JAG1: variants seen among roughly 807,000 people sequenced by gnomAD.
JAG1 encodes the protein protein jagged-1.
Under a neutral mutation model 148.7 loss-of-function variants are expected in JAG1, and 23 were observed. The ratio of observed to expected loss-of-function variants is 0.15; its 90% CI spans 0.11 to 0.22. The LOEUF (loss-of-function observed/expected upper bound fraction) is 0.22. Among genes scored for constraint, JAG1 ranks in the 10% least tolerant of loss-of-function variants. The pLI is 1.00. For missense variants in JAG1, 1,054 were observed against 1,611.2 expected (o/e 0.65, Z 5.92); for synonymous variants, 572 against 598.3 (o/e 0.96, Z 0.64).
rs2067270924 is a variant in JAG1, at chr20:10,641,452, T to C, written c.2916+8A>G. ...CCATTCAAAAAAAAAACAAAGGTTG[T>C]TACATACTGGTGACATCATCTCCTT... On this transcript the variant is annotated splice_region_variant and intron_variant, in intron 23 of 25. Coordinates refer to ENST00000254958, the MANE Select transcript of JAG1 (RefSeq NM_000214.3). 2.5e-6 allele frequency: 4 copies of C among 1,610,648 alleles called. No individual in the cohort carries two copies. The highest frequency in any genetic ancestry group is 3.4e-6 in the Non-Finnish European group (4 of 1,177,162).
intron 4 of JAG1, 149 bp downstream of exon 4, chr20:10,658,319 A>C (rs1192448709): frequency 2.0e-6 from 2 of 997,502 alleles, no homozygotes; most frequent in Non-Finnish European, 3.1e-6. Context: ...AGCATCTTCT[A>C]CACTCCGCAT....
At chr20:10,665,477 CTATTT>C (rs1393010291) in intron 2 of JAG1, among the ~76,000 whole-genome samples, 4 of 152,204 alleles carry the variant, frequency 2.6e-5, no homozygotes, top group African/African-American at 4.8e-5. Context: ...GCTGTTGTTA[CTATTT>C]TATTAGCGAA....
rs919031508 is a variant in JAG1 at position 10,673,137 on chromosome 20, A to T, written c.82-131T>A. The T allele has an allele frequency of 1.1e-4, 90 of 804,344 alleles. No homozygotes were observed. The African/African-American group carries it at 1.3e-3, about 12-fold the overall frequency. The allele number at this position is 804,344 out of a possible 1,614,324, so 49.8% of individuals were successfully genotyped here. ...CGAGTGAAAATAATTTTGCGAAACT[A>T]CGTTCAAGGACTCAACATGATTCCG... On this transcript the variant is annotated intron_variant, in intron 1 of 25. Transcript: ENST00000254958. The surrounding 1 kb of genome is among the most constrained non-coding windows in gnomAD (Gnocchi z 4.7).
At chr20:10,661,088 G>A (rs2067413837) in intron 3 of JAG1, among the ~76,000 whole-genome samples, 1 of 152,158 alleles carries the variant, frequency 6.6e-6, no homozygotes, top group African/African-American at 2.4e-5. Context: ...CTCTAGGGGA[G>A]AAAGAAATTT....
At chr20:10,655,579 A>G (rs2067373349) in intron 5 of JAG1, among the ~76,000 whole-genome samples, 1 of 152,206 alleles carries the variant, frequency 6.6e-6, no homozygotes, top group South Asian at 2.1e-4. Flanking sequence ...GTTTCATAAG[A>G]TTCCCTTTAC....
Position 10,645,061 on chromosome 20 carries a change from TATC to T in JAG1, c.2227+79_2227+81del, listed in dbSNP as rs1286271517. 3.3e-6 allele frequency: 5 copies of T among 1,512,422 alleles called. No homozygotes were observed. The highest frequency in any genetic ancestry group is 2.7e-5 in the African/African-American group (2 of 72,758). The allele number at this position is 1,512,422 out of a possible 1,614,324, so 93.7% of individuals were successfully genotyped here. ...GGGGCAAGAACCAGGCCCAGAGAAA[TATC>T]ATAAGCTCCAGGGGCCAACCAGCAG... On this transcript the variant is annotated intron_variant, in intron 17 of 25. Transcript: ENST00000254958. The surrounding 1 kb of genome is among the most constrained non-coding windows in gnomAD (Gnocchi z 6.1).
chr20:10,655,419 A>G (rs1382759331), intron 5 of JAG1, among the ~76,000 whole-genome samples: 1 of 152,152 alleles, frequency 6.6e-6, no homozygotes, highest in Non-Finnish European at 1.5e-5. Flanking sequence ...GTCTGGGGGC[A>G]GTGATTGCTG....
chr20:10,660,847 C>T (rs972801160), intron 3 of JAG1, among the ~76,000 whole-genome samples: 4 of 152,136 alleles, frequency 2.6e-5, no homozygotes, highest in African/African-American at 7.2e-5. Flanking sequence ...ACCATGCCTC[C>T]CTGCAATCCC....
At chr20:10,640,365 C>T (rs1323526169) in intron 25 of JAG1, among the ~76,000 whole-genome samples, 6 of 151,194 alleles carry the variant, frequency 4.0e-5, no homozygotes, top group South Asian at 2.1e-4. Flanking sequence ...TTGGCTGAAA[C>T]GGTGCTCGAG....
At chr20:10,671,642 C>T (rs539696957) in intron 2 of JAG1, among the ~76,000 whole-genome samples, 21 of 152,292 alleles carry the variant, frequency 1.4e-4, no homozygotes, top group African/African-American at 4.6e-4. Context: ...ACCCTCCCAG[C>T]ACAGGCTAGG....
In JAG1 at chr20:10,641,441, A is replaced by G. The variant is rs1010475798; in HGVS notation, c.2916+19T>C. 11 of 1,608,242 alleles carry G rather than the reference A, an allele frequency of 6.8e-6. No homozygotes were observed. In the African/African-American group the frequency reaches 1.2e-4, roughly 18 times the overall value. ...GCAGACATCCACCATTCAAAAAAAA[A>G]ACAAAGGTTGTTACATACTGGTGAC... On this transcript the variant is annotated intron_variant, in intron 23 of 25. Coordinates refer to ENST00000254958, the MANE Select transcript of JAG1 (RefSeq NM_000214.3).
Position 10,645,221 on chromosome 20 carries a change from C to T in JAG1, c.2149G>A (p.Gly717Ser). 6.2e-6 allele frequency: 10 copies of T among 1,614,052 alleles called. No homozygotes were observed. The highest frequency in any genetic ancestry group is 8.5e-6 in the Non-Finnish European group (10 of 1,179,996). ...SQCDEATCNN[G>S]GTCYDEGDAF... Reference sequence around the variant, plus strand: ...TCCCCCTCATCATAGCAGGTGCCACCGTTGTTGCACGTGGCCTCATCACAC... The same window carrying T: ...TCCCCCTCATCATAGCAGGTGCCACTGTTGTTGCACGTGGCCTCATCACAC... Residue 717 changes from glycine to serine, a missense_variant, in exon 17 of 26, where the codon GGT (glycine) becomes AGT (serine). Gly to Ser is a moderately conservative substitution (Grantham distance 56). Transcript: ENST00000254958. The surrounding 1 kb of genome is among the most constrained non-coding windows in gnomAD (Gnocchi z 6.1).
intron 2 of JAG1, among the ~76,000 whole-genome samples, chr20:10,668,228 C>T (rs1328675967): frequency 6.6e-6 from 1 of 152,090 alleles, no homozygotes; most frequent in Non-Finnish European, 1.5e-5. Context: ...TTTCTGAACC[C>T]AGGACCCTCC....
At chr20:10,660,218 G>A (rs189350423) in intron 3 of JAG1, among the ~76,000 whole-genome samples, 2 of 152,300 alleles carry the variant, frequency 1.3e-5, no homozygotes, top group East Asian at 1.9e-4. Context: ...GGGCCCCAGC[G>A]TTCGCCCTCT....
At chr20:10,646,894 G>T (rs781730526) in intron 14 of JAG1, 45 bp downstream of exon 14, 31 of 1,590,850 alleles carry the variant, frequency 1.9e-5, no homozygotes, top group Non-Finnish European at 2.6e-5. Flanking sequence ...AGGGGCAGGG[G>T]CAGGCTGGGG....
rs560882447 is a variant in JAG1, at chr20:10,668,669, C to A, written c.387+4032G>T. Among the ~76,000 whole-genome samples, 4 of 145,612 alleles carry A rather than the reference C, an allele frequency of 2.7e-5. No individual in the cohort carries two copies. The East Asian group carries it at 7.9e-4, about 29-fold the overall frequency. ...GTGAAGGCTCCTTGTTACCTTGACA[C>A]TGTTTTTTTTTTTTTAAGTAACTTT... On this transcript the variant is annotated intron_variant, in intron 2 of 25. Coordinates refer to ENST00000254958, the MANE Select transcript of JAG1 (RefSeq NM_000214.3).
chr20:10,661,011 C>T lies in JAG1; in HGVS notation c.440-2289G>A, dbSNP rs1003640963. Among the ~76,000 whole-genome samples the T allele has an allele frequency of 3.3e-5, 5 of 152,208 alleles. No individual in the cohort carries two copies. In the South Asian group the frequency reaches 6.2e-4, roughly 19 times the overall value. ...GAGAAAGCTAAGCTACAGGGAAAAC[C>T]TGGTCTGAAGTGTGCCTATTTATGT... On this transcript the variant is annotated intron_variant, in intron 3 of 25. Coordinates refer to ENST00000254958, the MANE Select transcript of JAG1 (RefSeq NM_000214.3).
Position 10,647,837 on chromosome 20 carries a change from T to C in JAG1, c.1720+123A>G, listed in dbSNP as rs534977231. The stretch of plus-strand genomic sequence containing the variant: ...GCGGCCCGCTACACAGGCAGGATCA[T>C]TTCACTATAGAGGTCCTCCTCACCA... On this transcript the variant is annotated intron_variant, in intron 13 of 25. Coordinates refer to ENST00000254958, the MANE Select transcript of JAG1 (RefSeq NM_000214.3). 8 of 1,080,322 alleles carry C rather than the reference T, an allele frequency of 7.4e-6. No homozygotes were observed. The East Asian group carries it at 1.3e-4, about 17-fold the overall frequency. 66.9% of individuals were successfully genotyped at this position (1,080,322 alleles called of 1,614,324 possible).
rs1246300110 is a variant in JAG1, at chr20:10,643,877, G to C, written c.2373-14C>G. 6.2e-7 allele frequency: 1 copy of C among 1,607,358 alleles called. No individual in the cohort carries two copies. On this transcript the variant is annotated splice_polypyrimidine_tract_variant and intron_variant, in intron 19 of 25. Transcript: ENST00000254958. ...CCGCTGTTGTAACTAAGAAAGCAAA[G>C]ACCACCTTGGTTACCAACCTCCCAG...
Sources: allele counts gnomAD v4.1 joint callset (sites outside exome capture counted in the v4.1 genomes callset), GRCh38; gene constraint gnomAD v4.1.1; non-coding constraint Gnocchi (gnomAD v3.1); transcripts MANE v1.5; gene names NCBI Gene and HGNC (gene_info 2026-07-23, HGNC 2026-07-21).